Variants in MAGI2 observed in about 807,000 individuals in gnomAD.
MAGI2 encodes membrane associated guanylate kinase, WW and PDZ domain containing 2.
In MAGI2, 35 loss-of-function variants were observed where a neutral mutation model predicts 133.3. The ratio of observed to expected loss-of-function variants is 0.26; its 90% CI spans 0.20 to 0.35. The LOEUF is 0.35. Ranked by LOEUF, MAGI2 falls within the 10% of genes least tolerant of loss-of-function variation. The probability of loss-of-function intolerance (pLI) is 1.00; values close to 1 mark genes in which losing one functional copy is unlikely to be tolerated. For missense variants in MAGI2, 1,636 were observed against 1,863.4 expected (o/e 0.88, Z 2.25); for synonymous variants, 729 against 710.6 (o/e 1.03, Z -0.41).
At chr7:78,811,409 T>C (rs915898103) in intron 2 of MAGI2, among the ~76,000 whole-genome samples, 6 of 151,860 alleles carry the variant, frequency 4.0e-5, no homozygotes, top group Non-Finnish European at 7.4e-5. Flanking sequence ...GATGTGTATA[T>C]TAATATATAT....
chr7:78,273,630 A>C (rs1444431256), intron 9 of MAGI2, among the ~76,000 whole-genome samples: 1 of 151,750 alleles, frequency 6.6e-6, no homozygotes, highest in Non-Finnish European at 1.5e-5. Flanking sequence ...GGCTTTGTTC[A>C]TTTCTTTTCA....
intron 6 of MAGI2, among the ~76,000 whole-genome samples, chr7:78,433,491 T>A (rs1215095375): frequency 6.6e-6 from 1 of 152,122 alleles, no homozygotes; most frequent in African/African-American, 2.4e-5. Context: ...TCGAAAAATC[T>A]TCCTATTTCT....
intron 6 of MAGI2, chr7:78,485,639 A>G (rs1792917070): frequency 6.6e-6 from 1 of 151,996 alleles, no homozygotes; most frequent in African/African-American, 2.4e-5. Context: ...ATTTAACAGG[A>G]ATTAACTTTA....
rs60580466 is a variant in MAGI2, at chr7:78,853,332, C to CTTTTTTTTTTTTTTTTTTTT, written c.418+153738_418+153757dup. On this transcript the variant is annotated intron_variant, in intron 2 of 21. Transcript: ENST00000354212. ...CTCATATTACTCTTGTCCATTCGTT[C>CTTTTTTTTTTTTTTTTTTTT]TTTTTTTTTTTTTTTTTTTTTTTTT... 2.8e-4 allele frequency among the ~76,000 whole-genome samples: 7 copies of CTTTTTTTTTTTTTTTTTTTT among 25,052 alleles called. 2 individuals are homozygous for CTTTTTTTTTTTTTTTTTTTT. The highest frequency in any genetic ancestry group is 3.4e-3 in the South Asian group (2 of 584). The allele number at this position is 25,052 out of a possible 152,430, so 16.4% of individuals were successfully genotyped here. A position where few individuals can be genotyped will look rare whatever the true frequency, so the allele number is the denominator to read the frequency against.
At chr7:78,751,374 C>T (rs1351008137) in intron 2 of MAGI2, among the ~76,000 whole-genome samples, 4 of 152,156 alleles carry the variant, frequency 2.6e-5, no homozygotes, top group African/African-American at 4.8e-5. Context: ...TGGACAAACA[C>T]GTTCTTGTAA....
chr7:79,199,005 A>T (rs1446750751), intron 1 of MAGI2, among the ~76,000 whole-genome samples: 1 of 152,038 alleles, frequency 6.6e-6, no homozygotes, highest in Non-Finnish European at 1.5e-5. Context: ...TAAGGAACTG[A>T]TAGGGGAGAA....
At chr7:78,709,223 A>C (rs552097684) in intron 2 of MAGI2, among the ~76,000 whole-genome samples, 2 of 152,088 alleles carry the variant, frequency 1.3e-5, no homozygotes, top group South Asian at 4.2e-4. Flanking sequence ...TGGCCAGTGC[A>C]GCTTCATTTC....
intron 14 of MAGI2, among the ~76,000 whole-genome samples, chr7:78,171,517 C>T (rs1388243167): frequency 6.6e-6 from 1 of 152,186 alleles, no homozygotes; most frequent in South Asian, 2.1e-4. Context: ...GATCAATCAC[C>T]CTTTGATAGC....
At position 78,315,500 on chromosome 7, in the gene MAGI2, G is replaced by T. The variant is rs915717318; in HGVS notation, c.1408+28278C>A. Among the ~76,000 whole-genome samples the T allele has an allele frequency of 2.6e-5, 4 of 152,116 alleles. No individual in the cohort carries two copies. The East Asian group carries it at 7.7e-4, about 29-fold the overall frequency. ...TGGAGGGTTTTAAACACGGATCAGGGGTATTATTACTAGTCCACTGAGCCC... is the reference window on the plus strand; with the variant it reads ...TGGAGGGTTTTAAACACGGATCAGGTGTATTATTACTAGTCCACTGAGCCC... On this transcript the variant is annotated intron_variant, in intron 9 of 21. Coordinates refer to ENST00000354212, the MANE Select transcript of MAGI2 (RefSeq NM_012301.4).
intron 2 of MAGI2, among the ~76,000 whole-genome samples, chr7:78,776,649 T>C (rs1019481824): frequency 2.0e-5 from 3 of 152,204 alleles, no homozygotes; most frequent in Non-Finnish European, 1.5e-5. Context: ...CTTTTAAATA[T>C]GCATCACACT....
intron 6 of MAGI2, among the ~76,000 whole-genome samples, chr7:78,444,920 A>T (rs1787985000): frequency 6.7e-6 from 1 of 149,288 alleles, no homozygotes; most frequent in African/African-American, 2.4e-5. Context: ...TATATATGTA[A>T]ACTAATATAT....
At chr7:78,246,681 C>G (rs900271148) in intron 10 of MAGI2, among the ~76,000 whole-genome samples, 1 of 152,198 alleles carries the variant, frequency 6.6e-6, no homozygotes, top group Non-Finnish European at 1.5e-5. Context: ...TGGGATGCTG[C>G]TGTGTTCCAC....
At chr7:79,185,339 T>C (rs1042668938) in intron 1 of MAGI2, among the ~76,000 whole-genome samples, 1 of 151,868 alleles carries the variant, frequency 6.6e-6, no homozygotes, top group African/African-American at 2.4e-5. Flanking sequence ...ATCTCTATTA[T>C]GAAAAATTTC....
chr7:79,322,529 AG>A (rs1367310417), intron 1 of MAGI2, among the ~76,000 whole-genome samples: 1 of 151,946 alleles, frequency 6.6e-6, no homozygotes, highest in African/African-American at 2.4e-5. Flanking sequence ...AAAAAAAATT[AG>A]GGCTTAGCAC....
intron 9 of MAGI2, among the ~76,000 whole-genome samples, chr7:78,303,128 A>G (rs1015569723): frequency 1.1e-4 from 16 of 152,108 alleles, no homozygotes; most frequent in African/African-American, 3.6e-4. Context: ...CTGTAGTCCC[A>G]GCACTTTGGG....
chr7:78,312,546 C>T lies in MAGI2; in HGVS notation c.1408+31232G>A, dbSNP rs145991923. ...ACTCCACAAGAAAAAAATAAATAGC[C>T]CCATAAAGACGAGAATAAACATTTT... On this transcript the variant is annotated intron_variant, in intron 9 of 21. Coordinates refer to ENST00000354212, the MANE Select transcript of MAGI2 (RefSeq NM_012301.4). Among the ~76,000 whole-genome samples the T allele has an allele frequency of 4.0e-3, 608 of 151,962 alleles. 1 individual carries two copies. The highest frequency in any genetic ancestry group is 0.014 in the African/African-American group (585 of 41,418).
chr7:79,313,933 G>GTGATTCTC (rs1838498087), intron 1 of MAGI2, among the ~76,000 whole-genome samples: 1 of 151,510 alleles, frequency 6.6e-6, no homozygotes, highest in South Asian at 2.1e-4. Flanking sequence ...CTCCTGAGTA[G>GTGATTCTC]CTGAGACTAC....
At chr7:79,182,556 C>T (rs537655382) in intron 1 of MAGI2, among the ~76,000 whole-genome samples, 1 of 151,818 alleles carries the variant, frequency 6.6e-6, no homozygotes, top group Admixed American at 6.6e-5. Flanking sequence ...GTGAGCATGA[C>T]AGAAAATTGG....
chr7:78,063,531 C>T (rs1425837321), intron 21 of MAGI2, among the ~76,000 whole-genome samples: 1 of 152,188 alleles, frequency 6.6e-6, no homozygotes, highest in African/African-American at 2.4e-5. Context: ...TGTGAGCCAC[C>T]GTGCCCAGCC....
Sources: gnomAD v4.1 joint callset for allele counts (sites outside exome capture counted in the v4.1 genomes callset) on GRCh38, gnomAD v4.1.1 for gene constraint, MANE v1.5 for transcripts, NCBI Gene and HGNC (gene_info 2026-07-23, HGNC 2026-07-21) for gene names.